Variants in MOB4 observed in about 807,000 individuals in gnomAD.
The protein encoded by MOB4 is MOB-like protein phocein.
Under a neutral mutation model 32.2 loss-of-function variants are expected in MOB4, and 4 were observed. The observed-to-expected ratio is 0.12, with a 90% CI of 0.06 to 0.28. The LOEUF (loss-of-function observed/expected upper bound fraction) is 0.28, where lower values mean the gene tolerates loss of function less well. MOB4 is among the 10% of genes least tolerant of loss of function. The probability of loss-of-function intolerance (pLI) is 1.00; values close to 1 mark genes in which losing one functional copy is unlikely to be tolerated. For missense variants in MOB4, 158 were observed against 271.2 expected (o/e 0.58, Z 2.93); for synonymous variants, 88 against 88.1 (o/e 1.00, Z 0.01).
rs184880229 is a variant in MOB4 at position 197,544,460 on chromosome 2, G to A, written c.355-3876G>A. On this transcript the variant is annotated intron_variant, in intron 5 of 7. Coordinates refer to ENST00000323303, the MANE Select transcript of MOB4 (RefSeq NM_015387.5). ...CCACTAAATTGTACATTTAAAAATG[G>A]TCAAAATAGCTGTCTGGGCGCGGTG... Among the ~76,000 whole-genome samples the A allele has an allele frequency of 3.4e-3, 511 of 152,076 alleles. 1 individual carries two copies. The highest frequency in any genetic ancestry group is 5.1e-3 in the Non-Finnish European group (348 of 68,010).
Position 197,550,747 on chromosome 2 carries a change from G to A in MOB4, c.*101G>A, listed in dbSNP as rs1223404545. ...CATGTATCCATATTATAGCTTCTTT[G>A]TTTAGTATAGGTTTTTGTATGCTGG... is the stretch of plus-strand genomic sequence containing the variant. On this transcript the variant is annotated 3_prime_UTR_variant, in exon 8 of 8. Coordinates refer to ENST00000323303, the MANE Select transcript of MOB4 (RefSeq NM_015387.5). 5 of 1,376,400 alleles carry A rather than the reference G, an allele frequency of 3.6e-6. No homozygotes were observed. The highest frequency in any genetic ancestry group is 4.7e-6 in the Non-Finnish European group (5 of 1,055,234). The allele number at this position is 1,376,400 out of a possible 1,614,324, so 85.3% of individuals were successfully genotyped here.
intron 2 of MOB4, among the ~76,000 whole-genome samples, chr2:197,529,185 T>C (rs2086659449): frequency 1.3e-5 from 2 of 151,698 alleles, no homozygotes; most frequent in Admixed American, 6.6e-5. Flanking sequence ...ACCATGTTGG[T>C]CAAGCTGGTC....
At chr2:197,532,486 G>A (rs2086722581) in intron 2 of MOB4, among the ~76,000 whole-genome samples, 1 of 151,962 alleles carries the variant, frequency 6.6e-6, no homozygotes, top group South Asian at 2.1e-4. Flanking sequence ...CTAGCTTAAG[G>A]GGTCTTGAAT....
chr2:197,534,601 G>A (rs901335298), intron 2 of MOB4, among the ~76,000 whole-genome samples: 8 of 152,096 alleles, frequency 5.3e-5, no homozygotes, highest in African/African-American at 1.9e-4. Context: ...GGAGTGCAGT[G>A]GCACGATCTT....
Position 197,551,878 on chromosome 2 carries a change from T to C in MOB4, c.*1232T>C, listed in dbSNP as rs2087104329. The C allele has an allele frequency of 6.6e-6, 1 of 152,342 alleles. No homozygotes were observed. 9.4% of individuals were successfully genotyped at this position (152,342 alleles called of 1,614,324 possible). A position where few individuals can be genotyped will look rare whatever the true frequency, so the allele number is the denominator to read the frequency against. ...TTTGATAAAGCACTGGAGGTCTTATTGCCAAACTGATTGTAATGAGGCAGT... is the reference window on the plus strand; with the variant it reads ...TTTGATAAAGCACTGGAGGTCTTATCGCCAAACTGATTGTAATGAGGCAGT... On this transcript the variant is annotated 3_prime_UTR_variant, in exon 8 of 8. Coordinates refer to ENST00000323303, the MANE Select transcript of MOB4 (RefSeq NM_015387.5).
At chr2:197,519,140 C>T (rs187245201) in intron 1 of MOB4, among the ~76,000 whole-genome samples, 2 of 151,970 alleles carry the variant, frequency 1.3e-5, no homozygotes, top group African/African-American at 4.8e-5. Flanking sequence ...AAGTGATCTT[C>T]CCGCCTCAGC....
Position 197,550,718 on chromosome 2 carries a change from C to G in MOB4, c.*72C>G, listed in dbSNP as rs1423617004. ...ACTGTATATATCATTTTAGACACAT[C>G]AATCATGTATCCATATTATAGCTTC... On this transcript the variant is annotated 3_prime_UTR_variant, in exon 8 of 8. Coordinates refer to ENST00000323303, the MANE Select transcript of MOB4 (RefSeq NM_015387.5). The G allele has an allele frequency of 4.8e-6, 7 of 1,453,748 alleles. No homozygotes were observed. The highest frequency in any genetic ancestry group is 6.3e-6 in the Non-Finnish European group (7 of 1,103,288). The allele number at this position is 1,453,748 out of a possible 1,614,324, so 90.1% of individuals were successfully genotyped here.
intron 5 of MOB4, among the ~76,000 whole-genome samples, chr2:197,541,372 C>T (rs1026559401): frequency 1.3e-5 from 2 of 152,144 alleles, no homozygotes; most frequent in Non-Finnish European, 2.9e-5. Context: ...GACACTGACT[C>T]ACTGGGGATA....
chr2:197,548,479 A>AG (rs2087036374), intron 6 of MOB4, 64 bp downstream of exon 6: 1 of 94,962 alleles, frequency 1.1e-5, no homozygotes, highest in Admixed American at 1.6e-4. Context: ...TTGGTATTTT[A>AG]GGGGGGAGGG....
At chr2:197,528,751 G>A (rs1203071224) in intron 2 of MOB4, among the ~76,000 whole-genome samples, 1 of 151,254 alleles carries the variant, frequency 6.6e-6, no homozygotes, top group Admixed American at 6.6e-5. Flanking sequence ...GAGTAGCTGG[G>A]ACTACAGGCG....
intron 2 of MOB4, among the ~76,000 whole-genome samples, 180 bp from the exon 3 acceptor site, chr2:197,535,350 G>A (rs2086779970): frequency 6.6e-6 from 1 of 151,942 alleles, no homozygotes; most frequent in Non-Finnish European, 1.5e-5. Flanking sequence ...GGATAAATAA[G>A]TAAGGGTAAC....
At chr2:197,540,614 A>G (rs1388027278) in intron 5 of MOB4, among the ~76,000 whole-genome samples, 177 bp downstream of exon 5, 1 of 152,228 alleles carries the variant, frequency 6.6e-6, no homozygotes, top group African/African-American at 2.4e-5. Context: ...TATGATAAGC[A>G]TCATTTTTCA....
chr2:197,534,595 T>C (rs1339872311), intron 2 of MOB4, among the ~76,000 whole-genome samples: 1 of 152,172 alleles, frequency 6.6e-6, no homozygotes, highest in Non-Finnish European at 1.5e-5. Context: ...CAGGCTGGAG[T>C]GCAGTGGCAC....
intron 5 of MOB4, among the ~76,000 whole-genome samples, chr2:197,546,607 C>T (rs1265958167): frequency 6.6e-6 from 1 of 151,754 alleles, no homozygotes; most frequent in African/African-American, 2.4e-5. Context: ...CCTGTGTTGC[C>T]TAGGCTGGTC....
At chr2:197,531,658 C>T (rs886114084) in intron 2 of MOB4, among the ~76,000 whole-genome samples, 3 of 152,116 alleles carry the variant, frequency 2.0e-5, no homozygotes, top group South Asian at 2.1e-4. Flanking sequence ...CTCTGCTTCC[C>T]GGGTTCAAGT....
At chr2:197,536,000 G>A (rs1245595915) in intron 3 of MOB4, among the ~76,000 whole-genome samples, 1 of 150,220 alleles carries the variant, frequency 6.7e-6, no homozygotes, top group Non-Finnish European at 1.5e-5. Context: ...TTAGGCTCAA[G>A]TGATCCTCCC....
Position 197,552,159 on chromosome 2 carries a change from G to T in MOB4, c.*1513G>T, listed in dbSNP as rs2087109333. Reference sequence around the variant, plus strand: ...AGTGTATGCCTTTCCAAGCTTGCCAGTCTTTTTGGCTTTGAACACTGCCCA... The same window carrying T: ...AGTGTATGCCTTTCCAAGCTTGCCATTCTTTTTGGCTTTGAACACTGCCCA... On this transcript the variant is annotated 3_prime_UTR_variant, in exon 8 of 8. Transcript: ENST00000323303. 6.6e-6 allele frequency: 1 copy of T among 152,270 alleles called. No individual in the cohort carries two copies. The highest frequency in any genetic ancestry group is 2.1e-4 in the South Asian group (1 of 4,828). 9.4% of individuals were successfully genotyped at this position (152,270 alleles called of 1,614,324 possible).
chr2:197,519,604 G>T (rs913907153), intron 1 of MOB4, among the ~76,000 whole-genome samples: 1 of 152,206 alleles, frequency 6.6e-6, no homozygotes, highest in East Asian at 1.9e-4. Context: ...TAGTACATAC[G>T]CAACTATCTT....
intron 1 of MOB4, among the ~76,000 whole-genome samples, chr2:197,521,480 T>A (rs1409826717): frequency 6.6e-6 from 1 of 152,194 alleles, no homozygotes; most frequent in Non-Finnish European, 1.5e-5. Flanking sequence ...TAACATCTTA[T>A]CAGGAGACAG....
Sources: allele counts gnomAD v4.1 joint callset (sites outside exome capture counted in the v4.1 genomes callset), GRCh38; gene constraint gnomAD v4.1.1; transcripts MANE v1.5; gene names NCBI Gene and HGNC (gene_info 2026-07-23, HGNC 2026-07-21).